SIK3: variants seen among roughly 807,000 people sequenced by gnomAD.
The protein encoded by SIK3 is serine/threonine-protein kinase SIK3.
A neutral mutation model predicts 144.2 loss-of-function variants in SIK3; 28 were observed. The observed-to-expected ratio is 0.19, with a 90% confidence interval of 0.14 to 0.27. The LOEUF (loss-of-function observed/expected upper bound fraction) is 0.27. Ranked by LOEUF, SIK3 falls within the 10% of genes least tolerant of loss-of-function variation. The pLI, the probability that SIK3 is intolerant of heterozygous loss-of-function variation, is 1.00. For synonymous variants in SIK3, 686 were observed against 676.3 expected (o/e 1.01, Z -0.22); for missense variants, 1,319 against 1,776.0 (o/e 0.74, Z 4.62).
intron 1 of SIK3, among the ~76,000 whole-genome samples, chr11:117,083,606 T>G (rs2092803368): frequency 6.6e-6 from 1 of 152,144 alleles, no homozygotes; most frequent in African/African-American, 2.4e-5. Flanking sequence ...AAAATTCAAC[T>G]ATTGTCGGAA....
At chr11:117,096,331 C>G (rs1193165375) in intron 1 of SIK3, among the ~76,000 whole-genome samples, 1 of 152,038 alleles carries the variant, frequency 6.6e-6, no homozygotes, top group Non-Finnish European at 1.5e-5. Flanking sequence ...GGAGACTATC[C>G]CCCAGAGGTC....
chr11:117,026,403 G>C (rs892975366), intron 1 of SIK3, among the ~76,000 whole-genome samples: 3 of 152,114 alleles, frequency 2.0e-5, no homozygotes, highest in Non-Finnish European at 4.4e-5. Context: ...GCTAAGCAGT[G>C]CGTGACTATA....
chr11:117,056,484 CT>C (rs200097064), intron 1 of SIK3, among the ~76,000 whole-genome samples: 3,935 of 150,764 alleles, frequency 0.026, 136 homozygotes, highest in Admixed American at 0.095. Context: ...TGTAACAAAC[CT>C]GCACATTGTG....
intron 4 of SIK3, among the ~76,000 whole-genome samples, chr11:116,900,035 G>A (rs569280561): frequency 3.3e-5 from 5 of 151,978 alleles, no homozygotes; most frequent in South Asian, 2.1e-4. Context: ...TTTTAATCTC[G>A]CTACTTCTAC....
At chr11:117,096,713 T>G (rs1184107806) in intron 1 of SIK3, among the ~76,000 whole-genome samples, 2 of 151,984 alleles carry the variant, frequency 1.3e-5, no homozygotes, top group East Asian at 3.9e-4. Context: ...CCTGACACCC[T>G]GGTAAGAAGG....
At chr11:116,934,801 C>T (rs1402005080) in intron 3 of SIK3, among the ~76,000 whole-genome samples, 2 of 151,964 alleles carry the variant, frequency 1.3e-5, no homozygotes, top group Admixed American at 6.6e-5. Flanking sequence ...AGGCATAGGC[C>T]GGGCGCGGTG....
At chr11:117,068,820 T>C (rs1954133428) in intron 1 of SIK3, among the ~76,000 whole-genome samples, 1 of 152,248 alleles carries the variant, frequency 6.6e-6, no homozygotes, top group Non-Finnish European at 1.5e-5. Flanking sequence ...TTCTTATGTT[T>C]GGCCAGAACT....
At chr11:117,035,417 TC>T (rs1591582446) in intron 1 of SIK3, among the ~76,000 whole-genome samples, 2 of 152,212 alleles carry the variant, frequency 1.3e-5, no homozygotes, top group East Asian at 1.9e-4. Context: ...TATTAATGAT[TC>T]TATTAAACAT....
intron 1 of SIK3, among the ~76,000 whole-genome samples, chr11:117,021,928 C>CAAAAAAAAAAAAAA (rs71037444): frequency 5.4e-4 from 32 of 58,996 alleles, no homozygotes; most frequent in African/African-American, 7.2e-4. Flanking sequence ...TCTGTCTCTA[C>CAAAAAAAAAAAAAA]AAAAAAAAAA....
chr11:116,897,183 A>C lies in SIK3; in HGVS notation c.741+10T>G. 1 of 1,613,478 alleles carries C rather than the reference A, an allele frequency of 6.2e-7. No homozygotes were observed. Among genetic ancestry groups the C allele is most frequent in the Non-Finnish European group, 8.5e-7 (1 of 1,179,674 alleles). On this transcript the variant is annotated intron_variant, in intron 5 of 24. Coordinates refer to ENST00000445177, the MANE Select transcript of SIK3 (RefSeq NM_001366686.3). ...AATGCTGTGGGGTATAAGAGAAGGC[A>C]GTTACTTACCCAGATGTCCACTTTG... is the stretch of plus-strand genomic sequence containing the variant.
chr11:117,047,658 T>A (rs1953030074), intron 1 of SIK3, among the ~76,000 whole-genome samples: 1 of 152,166 alleles, frequency 6.6e-6, no homozygotes, highest in South Asian at 2.1e-4. Flanking sequence ...TTAAAATAGT[T>A]CAGGGCCAGA....
Position 116,876,274 on chromosome 11 carries a change from C to T in SIK3, c.1074G>A (p.Leu358=). 1 of 1,614,160 alleles carries T rather than the reference C, an allele frequency of 6.2e-7. No individual in the cohort carries two copies. Residue 358 remains leucine (L), a synonymous_variant, in exon 8 of 25, where the codon CTG becomes CTA. Coordinates refer to ENST00000445177, the MANE Select transcript of SIK3 (RefSeq NM_001366686.3). ...DVLLAMEDMG[L]DKEQTLQSLR... ...ATACCTGCAGTGTCTGTTCTTTGTC[C>T]AGTCCCATGTCCTCCATGGCCAAGA...
chr11:116,991,974 T>C (rs1950512707), intron 1 of SIK3, among the ~76,000 whole-genome samples: 1 of 152,086 alleles, frequency 6.6e-6, no homozygotes, highest in Non-Finnish European at 1.5e-5. Context: ...CTAAATTTAT[T>C]ACAGACACCA....
intron 4 of SIK3, among the ~76,000 whole-genome samples, chr11:116,919,645 C>A (rs1946853059): frequency 6.6e-6 from 1 of 152,308 alleles, no homozygotes; most frequent in Non-Finnish European, 1.5e-5. Flanking sequence ...CTCAGGCAAT[C>A]TATTTTAAAT....
At chr11:117,009,302 T>C (rs150734126) in intron 1 of SIK3, among the ~76,000 whole-genome samples, 6,285 of 151,122 alleles carry the variant, frequency 0.042, 258 homozygotes, top group African/African-American at 0.098. Context: ...TCCCAGCACT[T>C]TGGGAGGCCA....
At chr11:117,068,142 C>T (rs2135986332) in intron 1 of SIK3, among the ~76,000 whole-genome samples, 1 of 152,210 alleles carries the variant, frequency 6.6e-6, no homozygotes, top group East Asian at 1.9e-4. Flanking sequence ...ACTAAGAATA[C>T]ACAATATTAT....
At chr11:117,051,469 C>T (rs1249954021) in intron 1 of SIK3, among the ~76,000 whole-genome samples, 1 of 151,898 alleles carries the variant, frequency 6.6e-6, no homozygotes, top group Non-Finnish European at 1.5e-5. Context: ...TAAAATAAAC[C>T]TCTTCTATAT....
intron 1 of SIK3, among the ~76,000 whole-genome samples, chr11:117,044,533 C>T (rs1952873978): frequency 6.6e-6 from 1 of 151,732 alleles, no homozygotes. Context: ...TGCCAGGAAA[C>T]AGTATTTCCC....
intron 1 of SIK3, among the ~76,000 whole-genome samples, chr11:117,044,966 T>C (rs574187644): frequency 6.6e-6 from 1 of 152,286 alleles, no homozygotes; most frequent in South Asian, 2.1e-4. Context: ...AAATCAGCCA[T>C]AGAATTTCCT....
Sources: gnomAD v4.1 joint callset for allele counts (sites outside exome capture counted in the v4.1 genomes callset) on GRCh38, gnomAD v4.1.1 for gene constraint, MANE v1.5 for transcripts, NCBI Gene and HGNC (gene_info 2026-07-23, HGNC 2026-07-21) for gene names.